Variants in ZNF33A observed in about 807,000 individuals in gnomAD.
ZNF33A encodes zinc finger protein 33A.
ZNF33A carries 9 observed loss-of-function variants against 15.9 expected under a neutral mutation model. That is an observed-to-expected ratio of 0.57 (90% CI 0.34 to 0.99). The LOEUF (loss-of-function observed/expected upper bound fraction) is 0.99. Among genes scored for constraint, ZNF33A ranks in the 50% least tolerant of loss-of-function variants. ZNF33A has a pLI of 0.02. For missense variants in ZNF33A, 843 were observed against 941.6 expected (o/e 0.90, Z 1.37); for synonymous variants, 294 against 324.2 (o/e 0.91, Z 1.00).
chr10:38,028,734 C>T lies in ZNF33A; in HGVS notation c.250+11348C>T, dbSNP rs376813560. ...CCACCCATCTCGGCCTCCCAAAGTG[C>T]TGGAATTACAGGCATGAGCCCACCA... On this transcript the variant is annotated intron_variant, in intron 4 of 4. Transcript: ENST00000432900. 1.4e-4 allele frequency among the ~76,000 whole-genome samples: 21 copies of T among 152,172 alleles called. No homozygotes were observed. In the South Asian group the frequency reaches 4.3e-3, roughly 31 times the overall value.
Position 38,057,498 on chromosome 10 carries a change from AG to A in ZNF33A, c.*939del, listed in dbSNP as rs1197322307. 1.0e-6 allele frequency: 1 copy of A among 985,336 alleles called. No individual in the cohort carries two copies. Among genetic ancestry groups the A allele is most frequent in the Non-Finnish European group, 1.2e-6 (1 of 829,938 alleles). The allele number at this position is 985,336 out of a possible 1,614,324, so 61.0% of individuals were successfully genotyped here. A position where few individuals can be genotyped will look rare whatever the true frequency, so the allele number is the denominator to read the frequency against. ...GAATTTAACGTAATTGTGAATAGGA[AG>A]TAGGTATCCTAGTTTAGTAGTGGTT... On this transcript the variant is annotated 3_prime_UTR_variant, in exon 5 of 5. Coordinates refer to ENST00000432900, the MANE Select transcript of ZNF33A (RefSeq NM_006954.2).
intron 4 of ZNF33A, among the ~76,000 whole-genome samples, chr10:38,035,711 G>A (rs772731478): frequency 2.6e-5 from 4 of 152,018 alleles, no homozygotes; most frequent in Non-Finnish European, 4.4e-5. Flanking sequence ...TCATGACTTC[G>A]GTGCAATGGG....
downstream of ZNF33A, among the ~76,000 whole-genome samples, chr10:38,065,772 C>G (rs2066705279): frequency 6.6e-6 from 1 of 150,988 alleles, no homozygotes; most frequent in South Asian, 2.1e-4. Flanking sequence ...GTGCAATGGC[C>G]CTATCTGGGC....
chr10:38,055,228 T>G lies in ZNF33A; in HGVS notation c.1104T>G (p.Asp368Glu), dbSNP rs1214449319. The G allele has an allele frequency of 1.2e-6, 2 of 1,614,102 alleles. No homozygotes were observed. Among genetic ancestry groups the G allele is most frequent in the Admixed American group, 1.7e-5 (1 of 60,010 alleles). The change falls in exon 5 of 5, where the codon GAT (aspartate) becomes GAG (glutamate). Residue 368 changes from aspartate (D) to glutamate (E), a missense_variant. Transcript: ENST00000432900. ...QCNECEKAFW[D>E]KSNLTKHQRS... ...ATGAATGTGAAAAAGCTTTCTGGGA[T>G]AAGTCAAACCTCACTAAACATCAAA...
In ZNF33A at chr10:38,055,604, G is replaced by A. The variant is rs781305936; in HGVS notation, c.1480G>A (p.Asp494Asn). 5 of 1,614,062 alleles carry A rather than the reference G, an allele frequency of 3.1e-6. No homozygotes were observed. Among genetic ancestry groups the A allele is most frequent in the Non-Finnish European group, 4.2e-6 (5 of 1,180,000 alleles). The change falls in exon 5 of 5, where the codon GAT (aspartate) becomes AAT (asparagine). Residue 494 changes from aspartate to asparagine, a missense_variant. Coordinates refer to ENST00000432900, the MANE Select transcript of ZNF33A (RefSeq NM_006954.2). ...ACAGCATCAGAGAATTCACATAGGAGATAAATCTTATGAATGTAATGCATG... is the reference window on the plus strand; with the variant it reads ...ACAGCATCAGAGAATTCACATAGGAAATAAATCTTATGAATGTAATGCATG... ...LTQHQRIHIGDKSYECNACGK... is the reference protein window; with the variant it reads ...LTQHQRIHIGNKSYECNACGK...
chr10:38,016,574 A>G (rs920309520), intron 2 of ZNF33A, among the ~76,000 whole-genome samples: 5 of 152,206 alleles, frequency 3.3e-5, no homozygotes, highest in Non-Finnish European at 7.3e-5. Flanking sequence ...CTTTCACCTT[A>G]GTACTTGTAA....
At chr10:38,061,023 A>G (rs1157699269), downstream of ZNF33A, among the ~76,000 whole-genome samples, 4 of 152,062 alleles carry the variant, frequency 2.6e-5, no homozygotes, top group Admixed American at 2.6e-4. Flanking sequence ...ACAGCACTTG[A>G]CAGTCACTGT....
chr10:38,057,190 A>C lies in ZNF33A; in HGVS notation c.*630A>C. ...GACTTTTACATTTGAGTAACCATCA[A>C]CACGATTAGTTTACAGAACTGAAAA... On this transcript the variant is annotated 3_prime_UTR_variant, in exon 5 of 5. Transcript: ENST00000432900. 1.0e-6 allele frequency: 1 copy of C among 983,226 alleles called. No homozygotes were observed. Among genetic ancestry groups the C allele is most frequent in the South Asian group, 4.7e-5 (1 of 21,260 alleles). 60.9% of individuals were successfully genotyped at this position (983,226 alleles called of 1,614,324 possible).
At chr10:38,044,609 TTC>T (rs2065872403) in intron 4 of ZNF33A, among the ~76,000 whole-genome samples, 1 of 152,212 alleles carries the variant, frequency 6.6e-6, no homozygotes, top group Non-Finnish European at 1.5e-5. Context: ...TATTGATATT[TTC>T]TGTTTGATGA....
At chr10:38,060,398 A>AT (rs1042076054), downstream of ZNF33A, among the ~76,000 whole-genome samples, 11 of 152,138 alleles carry the variant, frequency 7.2e-5, no homozygotes, top group African/African-American at 2.7e-4. Context: ...TCTTGGAATT[A>AT]TCACCAAACC....
chr10:38,044,968 C>T (rs548293455), intron 4 of ZNF33A, among the ~76,000 whole-genome samples: 2 of 152,220 alleles, frequency 1.3e-5, no homozygotes, highest in South Asian at 2.1e-4. Context: ...GTGTCTGGCC[C>T]GAACATATTT....
upstream of ZNF33A, chr10:38,010,629 T>TGTGCGCGTGGGCTCTGCGCATGCCTC: frequency 1.5e-6 from 2 of 1,360,230 alleles, no homozygotes; most frequent in Non-Finnish European, 2.1e-6. Flanking sequence ...AGCATCAAGC[T>TGTGCGCGTGGGCTCTGCGCATGCCTC]GTGCGCGTGG....
rs193107323 is a variant in ZNF33A, at chr10:38,019,309, A to G, written c.250+1923A>G. 9.0e-3 allele frequency among the ~76,000 whole-genome samples: 1,365 copies of G among 152,320 alleles called. 22 individuals are homozygous for G. The highest frequency in any genetic ancestry group is 0.031 in the African/African-American group (1,305 of 41,564). On this transcript the variant is annotated intron_variant, in intron 4 of 4. Transcript: ENST00000432900. ...TTTCATCCATGTCCCTACAAAGGAC[A>G]TGAACTCATCATTTTTTATGGCTGC...
rs1268927018 is a variant in ZNF33A, at chr10:38,055,994, C to G, written c.1870C>G (p.Leu624Val). The G allele has an allele frequency of 6.2e-7, 1 of 1,613,976 alleles. No homozygotes were observed. Among genetic ancestry groups the G allele is most frequent in the Non-Finnish European group, 8.5e-7 (1 of 1,179,952 alleles). Residue 624 changes from leucine (L) to valine (V), a missense_variant, in exon 5 of 5, where the codon CTC (leucine) becomes GTC (valine). Physicochemically the swap from Leu to Val is conservative, Grantham distance 32. Coordinates refer to ENST00000432900, the MANE Select transcript of ZNF33A (RefSeq NM_006954.2). ...AAAAGCCTTCTACCAGAAGTCACAA[C>G]TCACTCAGCATCAGAGAATTCACAT... ...CGKAFYQKSQ[L>V]TQHQRIHIGE...
downstream of ZNF33A, among the ~76,000 whole-genome samples, chr10:38,063,119 A>T (rs2066674759): frequency 6.6e-6 from 1 of 152,074 alleles, no homozygotes; most frequent in Non-Finnish European, 1.5e-5. Flanking sequence ...AGCAAAATGC[A>T]ACTGTGTCCG....
Position 38,055,433 on chromosome 10 carries a change from G to A in ZNF33A, c.1309G>A (p.Gly437Arg). The change falls in exon 5 of 5, where the codon GGG becomes AGG. Residue 437 changes from glycine to arginine, a missense_variant. Transcript: ENST00000432900. Reference sequence around the variant, plus strand: ...CACTAAACATCAGAGAACACACACAGGGCTGAAACCCTATGAATGTTATGA... The same window carrying A: ...CACTAAACATCAGAGAACACACACAAGGCTGAAACCCTATGAATGTTATGA... ...DLTKHQRTHT[G>R]LKPYECYECG... 1 of 1,614,044 alleles carries A rather than the reference G, an allele frequency of 6.2e-7. No individual in the cohort carries two copies. Among genetic ancestry groups the A allele is most frequent in the Non-Finnish European group, 8.5e-7 (1 of 1,179,996 alleles).
At chr10:38,020,248 C>T (rs2064675468) in intron 4 of ZNF33A, among the ~76,000 whole-genome samples, 1 of 151,966 alleles carries the variant, frequency 6.6e-6, no homozygotes, top group Non-Finnish European at 1.5e-5. Flanking sequence ...TTTGTGAGTA[C>T]ATAGTAGGTA....
At chr10:38,020,009 C>T (rs1245500901) in intron 4 of ZNF33A, among the ~76,000 whole-genome samples, 6 of 152,068 alleles carry the variant, frequency 3.9e-5, no homozygotes, top group South Asian at 2.1e-4. Context: ...TACATATGTA[C>T]ATTTTTATAC....
At chr10:38,062,123 C>A (rs374679290), downstream of ZNF33A, among the ~76,000 whole-genome samples, 14 of 152,126 alleles carry the variant, frequency 9.2e-5, no homozygotes, top group African/African-American at 3.1e-4. Context: ...CTTTCTGCCC[C>A]TCCCCTTTCT....
Sources: gnomAD v4.1 joint callset for allele counts (sites outside exome capture counted in the v4.1 genomes callset) on GRCh38, gnomAD v4.1.1 for gene constraint, MANE v1.5 for transcripts, NCBI Gene and HGNC (gene_info 2026-07-23, HGNC 2026-07-21) for gene names.